Variants in NFIA observed in about 807,000 individuals in gnomAD.
The protein encoded by NFIA is nuclear factor I A.
A neutral mutation model predicts 62.8 loss-of-function variants in NFIA; 8 were observed. That is an observed-to-expected ratio of 0.13 (90% CI 0.07 to 0.23). NFIA has a LOEUF of 0.23. Ranked by LOEUF, NFIA falls within the 10% of genes least tolerant of loss-of-function variation. The pLI, the probability that NFIA is intolerant of heterozygous loss-of-function variation, is 1.00. For missense variants in NFIA, 410 were observed against 642.1 expected (o/e 0.64, Z 3.91); for synonymous variants, 235 against 238.1 (o/e 0.99, Z 0.12).
chr1:61,230,812 G>A (rs146027612), intron 2 of NFIA, among the ~76,000 whole-genome samples: 1 of 152,168 alleles, frequency 6.6e-6, no homozygotes, highest in South Asian at 2.1e-4. Context: ...TGCTTTACCA[G>A]TGCCTCAGTA....
chr1:61,343,963 A>C (rs578234085), intron 4 of NFIA, among the ~76,000 whole-genome samples: 1 of 152,306 alleles, frequency 6.6e-6, no homozygotes, highest in South Asian at 2.1e-4. Context: ...TTTCCATGCA[A>C]ATTCATCAGT....
chr1:61,201,262 C>T lies in NFIA; in HGVS notation c.560-76258C>T, dbSNP rs946544523. Among the ~76,000 whole-genome samples, 6 of 152,164 alleles carry T rather than the reference C, an allele frequency of 3.9e-5. No individual in the cohort carries two copies. In the Middle Eastern group the frequency reaches 0.01, roughly 259 times the overall value. On this transcript the variant is annotated intron_variant, in intron 2 of 10. Transcript: ENST00000403491. ...TATGAGCCATTGTACTAATTTTAAT[C>T]GACACATCCGCTCCTCTATAGCACA... is the stretch of plus-strand genomic sequence containing the variant.
At chr1:61,250,053 T>C (rs1454862749) in intron 2 of NFIA, 1 of 152,192 alleles carries the variant, frequency 6.6e-6, no homozygotes, top group Non-Finnish European at 1.5e-5. Context: ...TTCAAATCTA[T>C]TTTCCATAAA....
intron 2 of NFIA, among the ~76,000 whole-genome samples, chr1:61,096,587 C>T (rs1339770916): frequency 1.7e-5 from 2 of 114,632 alleles, no homozygotes; most frequent in Admixed American, 2.2e-4. Context: ...GAGTCTTGCT[C>T]TGTCACCCAG....
At chr1:61,403,102 A>C (rs1206239578) in intron 7 of NFIA, among the ~76,000 whole-genome samples, 4 of 152,220 alleles carry the variant, frequency 2.6e-5, no homozygotes, top group African/African-American at 9.7e-5. Context: ...TTCAGTTTAA[A>C]GATTTAAACC....
chr1:61,229,741 G>A (rs915420780), intron 2 of NFIA, among the ~76,000 whole-genome samples: 5 of 152,056 alleles, frequency 3.3e-5, no homozygotes, highest in Non-Finnish European at 7.4e-5. Context: ...ACAAAAATCT[G>A]GGATACAGGT....
At position 61,393,244 on chromosome 1, in the gene NFIA, C is replaced by CCTCTCT. The variant is rs766730638; in HGVS notation, c.1075+9921_1075+9926dup. The stretch of plus-strand genomic sequence containing the variant: ...ATGGTTTCTTCTGCCTCGCCCTCTC[C>CCTCTCT]CTCTCTCTCTCTCTCTCTCTCTCTC... On this transcript the variant is annotated intron_variant, in intron 7 of 10. Transcript: ENST00000403491. Among the ~76,000 whole-genome samples, 122 of 29,086 alleles carry CCTCTCT rather than the reference C, an allele frequency of 4.2e-3. 2 individuals are homozygous for CCTCTCT. Among genetic ancestry groups the CCTCTCT allele is most frequent in the Non-Finnish European group, 5.2e-3 (93 of 17,922 alleles). The allele number at this position is 29,086 out of a possible 152,430, so 19.1% of individuals were successfully genotyped here.
chr1:61,404,769 C>G (rs1569783925), intron 8 of NFIA, among the ~76,000 whole-genome samples: 1 of 152,138 alleles, frequency 6.6e-6, no homozygotes, highest in Admixed American at 6.5e-5. Context: ...ACTCAAGATG[C>G]TGAAAGTACA....
In NFIA at chr1:61,245,497, TTAA is replaced by T. The variant is rs1304070155; in HGVS notation, c.560-32018_560-32016del. Among the ~76,000 whole-genome samples the T allele has an allele frequency of 4.6e-5, 7 of 152,116 alleles. No homozygotes were observed. In the East Asian group the frequency reaches 1.2e-3, roughly 25 times the overall value. Reference sequence around the variant, plus strand: ...CACTTTGTTCACAAAATAAATTCTATTAATAATTGATTATTATTTTTCATAAAT... The same window carrying T: ...CACTTTGTTCACAAAATAAATTCTATTAATTGATTATTATTTTTCATAAAT... On this transcript the variant is annotated intron_variant, in intron 2 of 10. Coordinates refer to ENST00000403491, the MANE Select transcript of NFIA (RefSeq NM_001134673.4).
chr1:61,205,901 CTTTTTTTTTTTTTTT>C (rs199804398), intron 2 of NFIA, among the ~76,000 whole-genome samples: 58,071 of 123,070 alleles, frequency 0.47, 13,070 homozygotes, highest in Non-Finnish European at 0.51. Flanking sequence ...TTTTGCAGCC[CTTTTTTTTTTTTTTT>C]TTTTTTTTTT....
chr1:61,395,345 G>T (rs1457408690), intron 7 of NFIA, among the ~76,000 whole-genome samples: 1 of 150,494 alleles, frequency 6.6e-6, no homozygotes, highest in Non-Finnish European at 1.5e-5. Context: ...CCAGCACTTG[G>T]TCGTTACGCA....
chr1:61,089,661 T>G (rs961089544), intron 2 of NFIA, among the ~76,000 whole-genome samples: 6 of 151,514 alleles, frequency 4.0e-5, no homozygotes, highest in Admixed American at 3.3e-4. Flanking sequence ...ACCAGTAGGT[T>G]GTTTTGGGGT....
intron 2 of NFIA, among the ~76,000 whole-genome samples, chr1:61,236,178 AAG>A (rs1655003356): frequency 6.6e-6 from 1 of 151,994 alleles, no homozygotes; most frequent in Non-Finnish European, 1.5e-5. Flanking sequence ...AAAAGGTGGA[AAG>A]AGAGGGCAGA....
intron 4 of NFIA, among the ~76,000 whole-genome samples, chr1:61,340,286 T>G (rs1212633115): frequency 6.6e-6 from 1 of 152,268 alleles, no homozygotes; most frequent in Non-Finnish European, 1.5e-5. Context: ...TCATCAGTTA[T>G]GCTTTCTATG....
intron 1 of NFIA, among the ~76,000 whole-genome samples, chr1:61,083,651 A>T (rs894962987): frequency 1.1e-4 from 17 of 151,446 alleles, no homozygotes; most frequent in Non-Finnish European, 1.9e-4. Context: ...CACGTTGTGC[A>T]GGGCGCCGAA....
upstream of NFIA, chr1:61,081,722 A>C: frequency 3.1e-6 from 2 of 652,148 alleles, no homozygotes; most frequent in Non-Finnish European, 5.0e-6. Flanking sequence ...AAATCCGGTG[A>C]ATCTTCTGTG....
At chr1:61,369,544 CATAGAT>C (rs1365803611) in intron 6 of NFIA, among the ~76,000 whole-genome samples, 1 of 151,908 alleles carries the variant, frequency 6.6e-6, no homozygotes, top group Non-Finnish European at 1.5e-5. Context: ...TAGTTTTAAC[CATAGAT>C]ATAAAGATGA....
At chr1:61,163,381 CT>C (rs1472485471) in intron 2 of NFIA, among the ~76,000 whole-genome samples, 1 of 152,082 alleles carries the variant, frequency 6.6e-6, no homozygotes, top group Non-Finnish European at 1.5e-5. Flanking sequence ...TGGATCAGTT[CT>C]TTTCTTTGAG....
chr1:61,090,099 G>A (rs1022480667), intron 2 of NFIA, among the ~76,000 whole-genome samples: 2 of 152,128 alleles, frequency 1.3e-5, no homozygotes, highest in African/African-American at 4.8e-5. Context: ...CCTCTAAGCA[G>A]GAATAAGTAG....
Sources: allele counts gnomAD v4.1 joint callset (sites outside exome capture counted in the v4.1 genomes callset), GRCh38; gene constraint gnomAD v4.1.1; transcripts MANE v1.5; gene names NCBI Gene and HGNC (gene_info 2026-07-23, HGNC 2026-07-21).